Variants in CLOCK observed in about 807,000 individuals in gnomAD.
CLOCK encodes clock circadian regulator.
CLOCK carries 43 observed loss-of-function variants against 118.4 expected under a neutral mutation model. That is an observed-to-expected ratio of 0.36 (90% CI 0.28 to 0.47). The LOEUF is 0.47. Ranked by LOEUF, CLOCK falls within the 20% of genes least tolerant of loss-of-function variation. The pLI is 1.00. For missense variants in CLOCK, 846 were observed against 999.9 expected (o/e 0.85, Z 2.08); for synonymous variants, 326 against 339.2 (o/e 0.96, Z 0.43).
At chr4:55,479,917 T>C (rs1236905750) in intron 4 of CLOCK, among the ~76,000 whole-genome samples, 1 of 152,244 alleles carries the variant, frequency 6.6e-6, no homozygotes, top group Non-Finnish European at 1.5e-5. Flanking sequence ...AAAGTATTTA[T>C]ACTTAGCTAT....
At chr4:55,545,173 T>C (rs1404768273) in intron 1 of CLOCK, among the ~76,000 whole-genome samples, 1 of 152,088 alleles carries the variant, frequency 6.6e-6, no homozygotes, top group African/African-American at 2.4e-5. Context: ...CATTAACTCG[T>C]CGTTTACATT....
chr4:55,512,587 A>G (rs185589324), intron 1 of CLOCK, among the ~76,000 whole-genome samples: 4 of 152,114 alleles, frequency 2.6e-5, no homozygotes, highest in African/African-American at 9.6e-5. Context: ...ATTAAATTTA[A>G]TTTTTTCTAA....
intron 1 of CLOCK, among the ~76,000 whole-genome samples, chr4:55,542,813 G>A (rs1045138897): frequency 1.3e-4 from 20 of 152,156 alleles, no homozygotes; most frequent in South Asian, 1.2e-3. Flanking sequence ...CGAGGCTTTC[G>A]TAGGAGTCTG....
Position 55,429,659 on chromosome 4 carries a change from A to G in CLOCK, c.*5756T>C, listed in dbSNP as rs1396421601. On this transcript the variant is annotated 3_prime_UTR_variant, in exon 23 of 23. Coordinates refer to ENST00000513440, the MANE Select transcript of CLOCK (RefSeq NM_004898.4). Reference sequence around the variant, plus strand: ...TATTTCTTTTACTAACATTTCCCCAAATGGGCAAAATAGAGGCATCATGTG... The same window carrying G: ...TATTTCTTTTACTAACATTTCCCCAGATGGGCAAAATAGAGGCATCATGTG... 6.6e-6 allele frequency: 1 copy of G among 152,230 alleles called. No homozygotes were observed. Among genetic ancestry groups the G allele is most frequent in the African/African-American group, 2.4e-5 (1 of 41,454 alleles). The allele number at this position is 152,230 out of a possible 1,614,324, so 9.4% of individuals were successfully genotyped here.
chr4:55,542,144 C>T (rs956142800), intron 1 of CLOCK, among the ~76,000 whole-genome samples: 1 of 149,296 alleles, frequency 6.7e-6, no homozygotes. Flanking sequence ...AGTTTGAGAC[C>T]AGCCCGGCCA....
intron 8 of CLOCK, among the ~76,000 whole-genome samples, chr4:55,468,596 T>G (rs1343067263): frequency 1.3e-5 from 2 of 151,568 alleles, no homozygotes; most frequent in Non-Finnish European, 3.0e-5. Flanking sequence ...CTGTATCTAC[T>G]ATTTTTAGAG....
intron 1 of CLOCK, among the ~76,000 whole-genome samples, chr4:55,519,710 G>A (rs971558996): frequency 2.6e-5 from 4 of 152,050 alleles, no homozygotes; most frequent in Non-Finnish European, 4.4e-5. Context: ...CCCGGAAAGC[G>A]GAGACCGCAG....
At chr4:55,442,815 C>T (rs528385837) in intron 20 of CLOCK, among the ~76,000 whole-genome samples, 181 bp from the exon 21 acceptor site, 1 of 151,986 alleles carries the variant, frequency 6.6e-6, no homozygotes, top group South Asian at 2.1e-4. Context: ...ATGAATTAGT[C>T]TTGAATATCT....
At chr4:55,468,166 C>T (rs1725864090) in intron 8 of CLOCK, among the ~76,000 whole-genome samples, 1 of 152,078 alleles carries the variant, frequency 6.6e-6, no homozygotes, top group Non-Finnish European at 1.5e-5. Flanking sequence ...CACTGTGCTG[C>T]CCAGGCTGGT....
chr4:55,490,317 A>C (rs1727584774), intron 2 of CLOCK, among the ~76,000 whole-genome samples: 1 of 152,074 alleles, frequency 6.6e-6, no homozygotes, highest in African/African-American at 2.4e-5. Flanking sequence ...AAATATAGCA[A>C]TTATAAATAT....
intron 13 of CLOCK, among the ~76,000 whole-genome samples, chr4:55,454,475 C>T (rs1021678572): frequency 6.6e-6 from 1 of 151,748 alleles, no homozygotes; most frequent in Non-Finnish European, 1.5e-5. Context: ...ATTAGCCAGG[C>T]ATGGTGGTAC....
chr4:55,519,371 T>C (rs1205063672), intron 1 of CLOCK, among the ~76,000 whole-genome samples: 2 of 152,210 alleles, frequency 1.3e-5, no homozygotes, highest in Admixed American at 1.3e-4. Context: ...GCAATTCTTT[T>C]TGTATATAGG....
chr4:55,469,545 G>A (rs182571680), intron 8 of CLOCK, among the ~76,000 whole-genome samples: 2 of 152,308 alleles, frequency 1.3e-5, no homozygotes, highest in Non-Finnish European at 2.9e-5. Flanking sequence ...GGAGGTGGAG[G>A]ACAGTGATGT....
intron 1 of CLOCK, among the ~76,000 whole-genome samples, chr4:55,518,569 T>A (rs569961700): frequency 1.3e-5 from 2 of 152,138 alleles, no homozygotes; most frequent in Non-Finnish European, 2.9e-5. Flanking sequence ...TGTGACAGTA[T>A]TAAGACATGG....
intron 21 of CLOCK, among the ~76,000 whole-genome samples, chr4:55,440,020 T>A (rs1252699464): frequency 6.6e-6 from 1 of 152,098 alleles, no homozygotes; most frequent in Non-Finnish European, 1.5e-5. Context: ...CAATAAAAAT[T>A]TTTTTTAATC....
intron 1 of CLOCK, among the ~76,000 whole-genome samples, chr4:55,542,394 TTATTATTAA>T (rs1731338998): frequency 7.2e-6 from 1 of 139,232 alleles, no homozygotes; most frequent in Non-Finnish European, 1.5e-5. Context: ...ATTATTATTA[TTATTATTAA>T]TGTCTATGCT....
At chr4:55,435,927 G>A (rs1424372857) in intron 22 of CLOCK, among the ~76,000 whole-genome samples, 1 of 152,166 alleles carries the variant, frequency 6.6e-6, no homozygotes, top group Non-Finnish European at 1.5e-5. Context: ...TTTGAGCATA[G>A]TTATGACTAT....
chr4:55,544,717 A>G (rs1731495610), intron 1 of CLOCK, among the ~76,000 whole-genome samples: 1 of 152,216 alleles, frequency 6.6e-6, no homozygotes, highest in Admixed American at 6.5e-5. Context: ...ATGAGTCCAT[A>G]ATACACACAA....
chr4:55,536,432 C>T (rs977278298), intron 1 of CLOCK, among the ~76,000 whole-genome samples: 10 of 152,054 alleles, frequency 6.6e-5, no homozygotes, highest in African/African-American at 1.9e-4. Flanking sequence ...GGGCAGATCC[C>T]TCATGAATGG....
Sources: gnomAD v4.1 joint callset for allele counts (sites outside exome capture counted in the v4.1 genomes callset) on GRCh38, gnomAD v4.1.1 for gene constraint, MANE v1.5 for transcripts, NCBI Gene and HGNC (gene_info 2026-07-23, HGNC 2026-07-21) for gene names.